Variants in REL observed in about 807,000 individuals in gnomAD.
REL encodes the protein proto-oncogene c-Rel.
In REL, 15 loss-of-function variants were observed where a neutral mutation model predicts 45.9. The observed-to-expected ratio is 0.33, with a 90% CI of 0.22 to 0.50. The LOEUF (loss-of-function observed/expected upper bound fraction) is 0.50. Among genes scored for constraint, REL ranks in the 20% least tolerant of loss-of-function variants. REL has a pLI of 0.98. For synonymous variants in REL, 239 were observed against 242.1 expected (o/e 0.99, Z 0.12); for missense variants, 601 against 715.2 (o/e 0.84, Z 1.82).
intron 1 of REL, among the ~76,000 whole-genome samples, chr2:60,886,395 G>A (rs1673072600): frequency 6.6e-6 from 1 of 152,118 alleles, no homozygotes; most frequent in African/African-American, 2.4e-5. Flanking sequence ...TGCAGATTAT[G>A]TGCTGTATCA....
chr2:60,924,595 T>C lies in REL; in HGVS notation c.*2060T>C, dbSNP rs1470468936. On this transcript the variant is annotated 3_prime_UTR_variant, in exon 10 of 10. Coordinates refer to ENST00000394479, the MANE Select transcript of REL (RefSeq NM_001291746.2). ...CAAAATGATGGTAGAATTTGGGTAA[T>C]CTTTTTTTTCCTTTTATGAAAAGAG... 1 of 215,566 alleles carries C rather than the reference T, an allele frequency of 4.6e-6. No homozygotes were observed. Among genetic ancestry groups the C allele is most frequent in the South Asian group, 1.9e-4 (1 of 5,370 alleles). 13.4% of individuals were successfully genotyped at this position (215,566 alleles called of 1,614,324 possible).
intron 9 of REL, among the ~76,000 whole-genome samples, 194 bp from the exon 10 acceptor site, chr2:60,921,569 A>G (rs1674141211): frequency 6.6e-6 from 1 of 152,182 alleles, no homozygotes. Flanking sequence ...AAAATGGTAT[A>G]TACGTTACAG....
chr2:60,919,566 C>T (rs1674075380), intron 7 of REL, among the ~76,000 whole-genome samples: 1 of 152,092 alleles, frequency 6.6e-6, no homozygotes, highest in Non-Finnish European at 1.5e-5. Context: ...GCTGGGACTA[C>T]AGGCATGCGC....
rs1488731821 is a variant in REL, at chr2:60,929,565, G to A, written c.*7030G>A. ...AAAACATCATTCTCAGTAAACTATC[G>A]CAAGAACAAGAAACCAAACACCACA... On this transcript the variant is annotated 3_prime_UTR_variant, in exon 10 of 10. Coordinates refer to ENST00000394479, the MANE Select transcript of REL (RefSeq NM_001291746.2). 7 of 150,968 alleles carry A rather than the reference G, an allele frequency of 4.6e-5. No homozygotes were observed. Among genetic ancestry groups the A allele is most frequent in the East Asian group, 2.0e-4 (1 of 5,118 alleles). The allele number at this position is 150,968 out of a possible 1,614,324, so 9.4% of individuals were successfully genotyped here. A position where few individuals can be genotyped will look rare whatever the true frequency, so the allele number is the denominator to read the frequency against.
intron 1 of REL, among the ~76,000 whole-genome samples, chr2:60,889,372 G>C (rs544103706): frequency 6.6e-6 from 1 of 151,990 alleles, no homozygotes; most frequent in Non-Finnish European, 1.5e-5. Flanking sequence ...TCTTCTATAA[G>C]GTCCTTTAGA....
At chr2:60,900,319 T>A (rs1673459352) in intron 3 of REL, 1 of 152,376 alleles carries the variant, frequency 6.6e-6, no homozygotes, top group South Asian at 2.1e-4. Context: ...TCTTTACAGC[T>A]TTTGCTTTAC....
At chr2:60,902,811 A>G (rs926434906) in intron 4 of REL, among the ~76,000 whole-genome samples, 5 of 152,072 alleles carry the variant, frequency 3.3e-5, no homozygotes, top group African/African-American at 1.2e-4. Context: ...CTGGTCTCAA[A>G]ACTCCTGAGC....
intron 7 of REL, among the ~76,000 whole-genome samples, chr2:60,919,670 C>T (rs919667887): frequency 6.6e-6 from 1 of 152,230 alleles, no homozygotes; most frequent in South Asian, 2.1e-4. Flanking sequence ...GGTGATTCAC[C>T]CACCTCAGCC....
intron 2 of REL, 40 bp downstream of exon 2, chr2:60,891,865 G>C: frequency 6.5e-7 from 1 of 1,545,210 alleles, no homozygotes; most frequent in South Asian, 1.2e-5. Flanking sequence ...ACTATTAGTT[G>C]CTTCATATAC....
intron 1 of REL, 113 bp from the exon 2 acceptor site, chr2:60,891,570 G>A (rs1439233069): frequency 2.1e-6 from 2 of 933,866 alleles, no homozygotes; most frequent in Admixed American, 3.2e-5. Flanking sequence ...TTAATGTTAG[G>A]AGGAAAAAAA....
intron 3 of REL, among the ~76,000 whole-genome samples, chr2:60,894,834 A>G (rs1196886378): frequency 6.7e-6 from 1 of 150,364 alleles, no homozygotes; most frequent in Admixed American, 6.6e-5. Context: ...AGTTTTTGAA[A>G]TAATTATTCA....
intron 8 of REL, 85 bp downstream of exon 8, chr2:60,920,194 T>A: frequency 8.9e-7 from 1 of 1,129,102 alleles, no homozygotes; most frequent in Non-Finnish European, 1.3e-6. Context: ...TTATTTTTGT[T>A]TTGTTTTGTT....
chr2:60,904,290 T>C (rs1013236678), intron 4 of REL, among the ~76,000 whole-genome samples: 2 of 151,768 alleles, frequency 1.3e-5, no homozygotes, highest in African/African-American at 4.8e-5. Context: ...TAGTCCCAGC[T>C]ACTTGGGAGG....
rs750270426 is a variant in REL, at chr2:60,927,541, G to T, written c.*5006G>T. 3 of 229,244 alleles carry T rather than the reference G, an allele frequency of 1.3e-5. No individual in the cohort carries two copies. Among genetic ancestry groups the T allele is most frequent in the Non-Finnish European group, 2.6e-5 (3 of 115,564 alleles). The allele number at this position is 229,244 out of a possible 1,614,324, so 14.2% of individuals were successfully genotyped here. On this transcript the variant is annotated 3_prime_UTR_variant, in exon 10 of 10. Transcript: ENST00000394479. Reference sequence around the variant, plus strand: ...CTTTATGTGGCAGGTTTAATCTCAGGTCTCCCTCATACACTTCTCAGCCTC... The same window carrying T: ...CTTTATGTGGCAGGTTTAATCTCAGTTCTCCCTCATACACTTCTCAGCCTC...
At chr2:60,920,400 C>T in intron 8 of REL, 174 bp from the exon 9 acceptor site, 1 of 659,078 alleles carries the variant, frequency 1.5e-6, no homozygotes, top group Non-Finnish European at 2.7e-6. Context: ...AGGGTTTCGC[C>T]ATGTTGACCA....
At position 60,928,482 on chromosome 2, in the gene REL, A is replaced by T. The variant is rs1248263269; in HGVS notation, c.*5947A>T. 3 of 150,768 alleles carry T rather than the reference A, an allele frequency of 2.0e-5. No homozygotes were observed. In the East Asian group the frequency reaches 5.8e-4, roughly 29 times the overall value. The allele number at this position is 150,768 out of a possible 1,614,324, so 9.3% of individuals were successfully genotyped here. A position where few individuals can be genotyped will look rare whatever the true frequency, so the allele number is the denominator to read the frequency against. On this transcript the variant is annotated 3_prime_UTR_variant, in exon 10 of 10. Transcript: ENST00000394479. ...TACTGGTACCAAAACAGAGATATAG[A>T]TCACTGGAACAGAACAGAGCCCTCA...
rs913287240 is a variant in REL, at chr2:60,927,562, G to C, written c.*5027G>C. On this transcript the variant is annotated 3_prime_UTR_variant, in exon 10 of 10. Transcript: ENST00000394479. ...TCAGGTCTCCCTCATACACTTCTCA[G>C]CCTCAGCACCTAACCCTCACACAAC... 1 of 229,650 alleles carries C rather than the reference G, an allele frequency of 4.4e-6. No individual in the cohort carries two copies. The highest frequency in any genetic ancestry group is 8.6e-6 in the Non-Finnish European group (1 of 115,834). 14.2% of individuals were successfully genotyped at this position (229,650 alleles called of 1,614,324 possible).
rs1249588005 is a variant in REL, at chr2:60,927,578, C to G, written c.*5043C>G. 1 of 230,040 alleles carries G rather than the reference C, an allele frequency of 4.3e-6. No individual in the cohort carries two copies. 14.2% of individuals were successfully genotyped at this position (230,040 alleles called of 1,614,324 possible). On this transcript the variant is annotated 3_prime_UTR_variant, in exon 10 of 10. Transcript: ENST00000394479. ...CACTTCTCAGCCTCAGCACCTAACC[C>G]TCACACAACACTCCAGTATTGATGC...
At position 60,900,984 on chromosome 2, in the gene REL, C is replaced by A; in HGVS notation, c.303-8C>A. On this transcript the variant is annotated splice_polypyrimidine_tract_variant and splice_region_variant and intron_variant, in intron 3 of 9. Coordinates refer to ENST00000394479, the MANE Select transcript of REL (RefSeq NM_001291746.2). ...ATGCAGTTTTGAATATTGTTTTTTT[C>A]CTGCTAGTTTCCAAAATTTGGGTAT... 1 of 1,595,284 alleles carries A rather than the reference C, an allele frequency of 6.3e-7. No homozygotes were observed. Among genetic ancestry groups the A allele is most frequent in the South Asian group, 1.1e-5 (1 of 86,998 alleles).
Sources: gnomAD v4.1 joint callset for allele counts (sites outside exome capture counted in the v4.1 genomes callset) on GRCh38, gnomAD v4.1.1 for gene constraint, MANE v1.5 for transcripts, NCBI Gene and HGNC (gene_info 2026-07-23, HGNC 2026-07-21) for gene names.